The following PDE7A variants were observed in gnomAD, a reference collection of about 807,000 sequenced individuals.
PDE7A encodes the protein phosphodiesterase 7A, also known as high affinity 3',5'-cyclic-AMP phosphodiesterase 7A.
A neutral mutation model predicts 64.3 loss-of-function variants in PDE7A; 39 were observed. The observed-to-expected ratio is 0.61, with a 90% confidence interval of 0.47 to 0.79. The LOEUF (loss-of-function observed/expected upper bound fraction) is 0.79. PDE7A is among the 30% of genes least tolerant of loss of function. The probability of loss-of-function intolerance (pLI) is 0.00; values close to 1 mark genes in which losing one functional copy is unlikely to be tolerated. For missense variants in PDE7A, 470 were observed against 582.8 expected (o/e 0.81, Z 1.99); for synonymous variants, 203 against 206.8 (o/e 0.98, Z 0.16).
chr8:65,806,492 C>T (rs1036202138), intron 1 of PDE7A, among the ~76,000 whole-genome samples: 1 of 152,142 alleles, frequency 6.6e-6, no homozygotes, highest in Non-Finnish European at 1.5e-5. Flanking sequence ...CACTTAAAAG[C>T]GTGAATTTAT....
In PDE7A at chr8:65,822,934, ATTAACT is replaced by A. The variant is rs200609598; in HGVS notation, c.138+18431_138+18436del. ...TTTTAAAGCACTTATTATCTTATCT[ATTAACT>A]TTATCTATCTATCTATCTATCTATA... On this transcript the variant is annotated intron_variant, in intron 1 of 12. Coordinates refer to ENST00000401827, the MANE Select transcript of PDE7A (RefSeq NM_001242318.3). Among the ~76,000 whole-genome samples the A allele has an allele frequency of 3.5e-3, 525 of 150,142 alleles. 3 individuals are homozygous for A. Among genetic ancestry groups the A allele is most frequent in the African/African-American group, 0.012 (475 of 40,010 alleles).
At chr8:65,747,548 C>T (rs1280820120) in intron 4 of PDE7A, 104 bp downstream of exon 4, 2 of 653,876 alleles carry the variant, frequency 3.1e-6, no homozygotes, top group Non-Finnish European at 4.7e-6. Flanking sequence ...AACTGCTTTT[C>T]ATAGACAGAG....
At position 65,774,326 on chromosome 8, in the gene PDE7A, A is replaced by G. The variant is rs375964562; in HGVS notation, c.283+5394T>C. Among the ~76,000 whole-genome samples the G allele has an allele frequency of 4.0e-5, 5 of 123,726 alleles. No individual in the cohort carries two copies. In the East Asian group the frequency reaches 1.0e-3, roughly 25 times the overall value. 81.2% of individuals were successfully genotyped at this position (123,726 alleles called of 152,430 possible). On this transcript the variant is annotated intron_variant, in intron 3 of 12. Coordinates refer to ENST00000401827, the MANE Select transcript of PDE7A (RefSeq NM_001242318.3). ...GACATTTATAGTGAGAATATTATAA[A>G]AAGTTATATTTGCTTTATAAAATTA...
At chr8:65,740,222 G>A (rs72666543) in intron 5 of PDE7A, among the ~76,000 whole-genome samples, 1,700 of 152,180 alleles carry the variant, frequency 0.011, 14 homozygotes, top group East Asian at 0.046. Context: ...CTACAAACTC[G>A]TAGTCAACAC....
intron 1 of PDE7A, among the ~76,000 whole-genome samples, chr8:65,794,922 G>C (rs999465305): frequency 3.3e-5 from 5 of 152,108 alleles, no homozygotes; most frequent in African/African-American, 1.2e-4. Flanking sequence ...AAGACTACCA[G>C]GAAAAATGCG....
intron 3 of PDE7A, among the ~76,000 whole-genome samples, chr8:65,777,969 T>C (rs747807892): frequency 6.6e-6 from 1 of 152,230 alleles, no homozygotes; most frequent in Non-Finnish European, 1.5e-5. Flanking sequence ...TTCTCAGCCA[T>C]TGCTTCTTTA....
chr8:65,734,112 A>G (rs368192911), intron 7 of PDE7A, among the ~76,000 whole-genome samples: 71 of 152,328 alleles, frequency 4.7e-4, no homozygotes, highest in African/African-American at 1.6e-3. Flanking sequence ...TACATTTAAT[A>G]CCACGGATCC....
intron 1 of PDE7A, chr8:65,789,226 C>T (rs1809638010): frequency 8.0e-6 from 3 of 375,038 alleles, no homozygotes; most frequent in Non-Finnish European, 1.4e-5. Flanking sequence ...CTTTAGTGAG[C>T]GCTGACCTAA....
At chr8:65,743,378 GAGA>G (rs979712514) in intron 5 of PDE7A, among the ~76,000 whole-genome samples, 62 of 152,284 alleles carry the variant, frequency 4.1e-4, no homozygotes, top group South Asian at 4.1e-4. Flanking sequence ...TGGGGGCAGG[GAGA>G]AGAACAGAAC....
chr8:65,743,386 C>A (rs376103096), intron 5 of PDE7A, among the ~76,000 whole-genome samples: 1 of 152,144 alleles, frequency 6.6e-6, no homozygotes, highest in African/African-American at 2.4e-5. Flanking sequence ...GGGAGAAGAA[C>A]AGAACACTTA....
chr8:65,782,116 C>G (rs1478040487), intron 2 of PDE7A, among the ~76,000 whole-genome samples: 1 of 152,080 alleles, frequency 6.6e-6, no homozygotes. Flanking sequence ...GAATTCTGAG[C>G]TGAGGAGGAG....
chr8:65,792,426 T>G (rs1372272461), intron 1 of PDE7A, among the ~76,000 whole-genome samples: 1 of 152,164 alleles, frequency 6.6e-6, no homozygotes. Flanking sequence ...AAGAGAAAAT[T>G]TTATCCCTGG....
Position 65,787,787 on chromosome 8 carries a change from GGAA to G in PDE7A, c.139-4947_139-4945del, listed in dbSNP as rs563484945. Among the ~76,000 whole-genome samples, 381 of 148,576 alleles carry G rather than the reference GGAA, an allele frequency of 2.6e-3. 1 individual carries two copies. The highest frequency in any genetic ancestry group is 8.8e-3 in the African/African-American group (356 of 40,366). ...GTAAGACCTCATCTCTACAGGGGGG[GGAA>G]AAAAAAAAAGTAAAGTCTCTGAAAA... On this transcript the variant is annotated intron_variant, in intron 1 of 12. Transcript: ENST00000401827.
intron 3 of PDE7A, among the ~76,000 whole-genome samples, chr8:65,750,419 T>G (rs1807880063): frequency 6.6e-6 from 1 of 151,928 alleles, no homozygotes. Flanking sequence ...GCAATTAGGA[T>G]TGCTGTGTGT....
intron 1 of PDE7A, among the ~76,000 whole-genome samples, chr8:65,793,786 A>C (rs1481603196): frequency 7.4e-6 from 1 of 135,558 alleles, no homozygotes; most frequent in Non-Finnish European, 1.8e-5. Flanking sequence ...AAATAACCTA[A>C]GAAGAAGTCT....
chr8:65,769,145 G>C (rs772667775), intron 3 of PDE7A, among the ~76,000 whole-genome samples: 11 of 151,626 alleles, frequency 7.3e-5, no homozygotes, highest in Non-Finnish European at 1.3e-4. Context: ...CTACTTGGGA[G>C]GCTGAGGCAT....
chr8:65,738,244 T>C (rs555788503), intron 6 of PDE7A, among the ~76,000 whole-genome samples: 1 of 150,446 alleles, frequency 6.6e-6, no homozygotes, highest in South Asian at 2.2e-4. Context: ...TGTAATCTTT[T>C]TGCTGTATAT....
At chr8:65,723,150 T>C (rs1165484118) in intron 12 of PDE7A, 2 of 154,344 alleles carry the variant, frequency 1.3e-5, no homozygotes, top group Non-Finnish European at 2.9e-5. Context: ...GGTCTTCGTA[T>C]TATGATCAGG....
At chr8:65,726,013 CTTTT>C (rs957463887) in intron 9 of PDE7A, among the ~76,000 whole-genome samples, 1 of 152,048 alleles carries the variant, frequency 6.6e-6, no homozygotes, top group Non-Finnish European at 1.5e-5. Context: ...TAAAGTCCAG[CTTTT>C]TTCTCATGGT....
Sources: allele counts gnomAD v4.1 joint callset (sites outside exome capture counted in the v4.1 genomes callset), GRCh38; gene constraint gnomAD v4.1.1; transcripts MANE v1.5; gene names NCBI Gene and HGNC (gene_info 2026-07-23, HGNC 2026-07-21).